Variants in TIAM1 observed in about 807,000 individuals in gnomAD.
The protein encoded by TIAM1 is rho guanine nucleotide exchange factor TIAM1.
Under a neutral mutation model 163.5 loss-of-function variants are expected in TIAM1, and 65 were observed. The observed-to-expected ratio is 0.40, with a 90% CI of 0.33 to 0.49. The LOEUF (loss-of-function observed/expected upper bound fraction) is 0.49. Ranked by LOEUF, TIAM1 falls within the 20% of genes least tolerant of loss-of-function variation. TIAM1 has a pLI of 0.77. For synonymous variants in TIAM1, 833 were observed against 810.1 expected (o/e 1.03, Z -0.48); for missense variants, 1,789 against 2,044.7 (o/e 0.87, Z 2.41).
chr21:31,292,913 C>T (rs1358851258), intron 2 of TIAM1, among the ~76,000 whole-genome samples: 3 of 151,616 alleles, frequency 2.0e-5, no homozygotes, highest in African/African-American at 7.3e-5. Context: ...AAATGATCTG[C>T]CCTGACCTCA....
In TIAM1 at chr21:31,210,679, GAAAGAAAAAGAA is replaced by G. The variant is rs1322499983; in HGVS notation, c.2218-476_2218-465del. Among the ~76,000 whole-genome samples, 463 of 70,114 alleles carry G rather than the reference GAAAGAAAAAGAA, an allele frequency of 6.6e-3. 14 individuals are homozygous for G. Among genetic ancestry groups the G allele is most frequent in the East Asian group, 0.029 (53 of 1,800 alleles). 46.0% of individuals were successfully genotyped at this position (70,114 alleles called of 152,430 possible). Reference sequence around the variant, plus strand: ...AAAGAAAGAAAGAAAAAGAAAGAAAGAAAGAAAAAGAAAGAAAGAAAGAAAGAGAAAGAAAGA... The same window carrying G: ...AAAGAAAGAAAGAAAAAGAAAGAAAGAGAAAGAAAGAAAGAGAAAGAAAGA... On this transcript the variant is annotated intron_variant, in intron 10 of 27. Transcript: ENST00000541036.
At chr21:31,301,491 A>T in intron 2 of TIAM1, among the ~76,000 whole-genome samples, 1 of 152,228 alleles carries the variant, frequency 6.6e-6, no homozygotes, top group Non-Finnish European at 1.5e-5. Flanking sequence ...ATAGGTAGTT[A>T]TCCATCCATG....
chr21:31,141,008 C>T lies in TIAM1; in HGVS notation c.3774+110G>A. On this transcript the variant is annotated intron_variant, in intron 22 of 27. Coordinates refer to ENST00000541036, the MANE Select transcript of TIAM1 (RefSeq NM_001353694.2). This position sits in a 1 kb window ranked among gnomAD's most constrained non-coding sequence, Gnocchi z 4.7. Reference sequence around the variant, plus strand: ...TTCCACTAAGAAAAACAACAGCATCCTAACTATTTTACTTACAAGTAACAC... The same window carrying T: ...TTCCACTAAGAAAAACAACAGCATCTTAACTATTTTACTTACAAGTAACAC... 1.3e-6 allele frequency: 1 copy of T among 794,924 alleles called. No homozygotes were observed. Among genetic ancestry groups the T allele is most frequent in the Non-Finnish European group, 2.0e-6 (1 of 512,144 alleles). 49.2% of individuals were successfully genotyped at this position (794,924 alleles called of 1,614,324 possible). A position where few individuals can be genotyped will look rare whatever the true frequency, so the allele number is the denominator to read the frequency against.
intron 1 of TIAM1, among the ~76,000 whole-genome samples, chr21:31,489,571 A>AC (rs111846555): frequency 9.7e-4 from 138 of 142,042 alleles, no homozygotes; most frequent in African/African-American, 2.1e-3. Context: ...AAAAGTGCAG[A>AC]CCCCCCCCCC....
intron 6 of TIAM1, among the ~76,000 whole-genome samples, chr21:31,232,582 C>T (rs919208152): frequency 1.3e-5 from 2 of 152,178 alleles, no homozygotes; most frequent in African/African-American, 4.8e-5. Context: ...AACACCTCAA[C>T]TGCTCACAGT....
At chr21:31,225,096 C>G (rs370171999) in intron 7 of TIAM1, among the ~76,000 whole-genome samples, 20 of 151,972 alleles carry the variant, frequency 1.3e-4, no homozygotes, top group African/African-American at 4.1e-4. Flanking sequence ...CTTGGCCCAC[C>G]GCACCCTCTG....
At chr21:31,517,279 A>AT (rs1336924551) in intron 1 of TIAM1, among the ~76,000 whole-genome samples, 1 of 152,108 alleles carries the variant, frequency 6.6e-6, no homozygotes, top group Non-Finnish European at 1.5e-5. Context: ...CGTGCCTGTA[A>AT]TCCCAGCACT....
At chr21:31,535,302 C>T (rs1461920020) in intron 1 of TIAM1, among the ~76,000 whole-genome samples, 1 of 134,398 alleles carries the variant, frequency 7.4e-6, no homozygotes, top group African/African-American at 2.8e-5. Context: ...AATCGCTTGA[C>T]CTTGGGAGGA....
chr21:31,396,635 TA>T (rs1431243208), intron 2 of TIAM1, among the ~76,000 whole-genome samples: 1 of 148,878 alleles, frequency 6.7e-6, no homozygotes, highest in African/African-American at 2.4e-5. Context: ...AACAATATTA[TA>T]TTTAATAATA....
chr21:31,467,747 C>T (rs1276396795), intron 1 of TIAM1, among the ~76,000 whole-genome samples: 1 of 151,954 alleles, frequency 6.6e-6, no homozygotes, highest in Non-Finnish European at 1.5e-5. Context: ...TGCTCGAGTC[C>T]AGGGTTCAAG....
At chr21:31,465,748 T>C (rs2045505717) in intron 1 of TIAM1, among the ~76,000 whole-genome samples, 1 of 152,190 alleles carries the variant, frequency 6.6e-6, no homozygotes, top group Admixed American at 6.5e-5. Flanking sequence ...TTTTTTGTAT[T>C]TTTAGTAGAG....
intron 2 of TIAM1, among the ~76,000 whole-genome samples, chr21:31,310,667 T>C (rs2074890968): frequency 6.6e-6 from 1 of 152,150 alleles, no homozygotes; most frequent in Non-Finnish European, 1.5e-5. Context: ...ACGCAGAAGG[T>C]AACCACTCCC....
chr21:31,132,275 G>T (rs1017889969), intron 23 of TIAM1, among the ~76,000 whole-genome samples: 15 of 152,148 alleles, frequency 9.9e-5, no homozygotes, highest in Admixed American at 5.2e-4. Flanking sequence ...AATCTCCACT[G>T]CAGGGAAATA....
chr21:31,487,599 G>T (rs112165223), intron 1 of TIAM1, among the ~76,000 whole-genome samples: 1 of 137,542 alleles, frequency 7.3e-6, no homozygotes, highest in South Asian at 2.3e-4. Flanking sequence ...CGCCCAGGCC[G>T]GACTGCGGAC....
rs559672137 is a variant in TIAM1, at chr21:31,499,434, G to A, written c.-421-35399C>T. On this transcript the variant is annotated intron_variant, in intron 1 of 28. Coordinates refer to the TIAM1 transcript ENST00000286827. Reference sequence around the variant, plus strand: ...AAATTAGCCAGGCATGGCAGTACACGCTGCACGGGGGCATGAGGATCACTT... The same window carrying A: ...AAATTAGCCAGGCATGGCAGTACACACTGCACGGGGGCATGAGGATCACTT... 9.9e-5 allele frequency among the ~76,000 whole-genome samples: 15 copies of A among 152,100 alleles called. No homozygotes were observed. In the East Asian group the frequency reaches 2.5e-3, roughly 26 times the overall value.
chr21:31,215,340 C>T (rs2087121624), intron 9 of TIAM1, among the ~76,000 whole-genome samples: 1 of 151,978 alleles, frequency 6.6e-6, no homozygotes, highest in African/African-American at 2.4e-5. Context: ...CCTATAATCC[C>T]AGCACTTTGG....
At chr21:31,512,091 TTTTA>T (rs994221808) in intron 1 of TIAM1, among the ~76,000 whole-genome samples, 1 of 152,070 alleles carries the variant, frequency 6.6e-6, no homozygotes, top group African/African-American at 2.4e-5. Context: ...CTGCAATTTA[TTTTA>T]TTTGTTTATT....
At chr21:31,453,014 T>C in intron 2 of TIAM1, 1 of 477,546 alleles carries the variant, frequency 2.1e-6, no homozygotes, top group Non-Finnish European at 4.2e-6. Context: ...AAGTGGGAGA[T>C]ACACTGGATC....
intron 11 of TIAM1, among the ~76,000 whole-genome samples, chr21:31,207,091 G>A (rs935744851): frequency 6.6e-6 from 1 of 152,112 alleles, no homozygotes; most frequent in Non-Finnish European, 1.5e-5. Flanking sequence ...CTGACACATG[G>A]TCACATGTGA....
Sources: gnomAD v4.1 joint callset for allele counts (sites outside exome capture counted in the v4.1 genomes callset) on GRCh38, gnomAD v4.1.1 for gene constraint, Gnocchi (gnomAD v3.1) non-coding constraint, MANE v1.5 for transcripts, NCBI Gene and HGNC (gene_info 2026-07-23, HGNC 2026-07-21) for gene names.